Variants in PTCHD4 observed in about 807,000 individuals in gnomAD.
PTCHD4 encodes the protein patched domain-containing protein 4.
A neutral mutation model predicts 58.1 loss-of-function variants in PTCHD4; 33 were observed. That is an observed-to-expected ratio of 0.57 (90% CI 0.43 to 0.76). PTCHD4 has a LOEUF of 0.76. Among genes scored for constraint, PTCHD4 ranks in the 30% least tolerant of loss-of-function variants. The pLI is 0.00. For missense variants in PTCHD4, 1,058 were observed against 1,027.1 expected, an observed-to-expected ratio of 1.03 and a Z score of -0.41; for synonymous variants, 478 against 409.6, an observed-to-expected ratio of 1.17 and a Z score of -2.02.
intron 4 of PTCHD4, among the ~76,000 whole-genome samples, chr6:47,902,799 G>C (rs1393628590): frequency 6.6e-6 from 1 of 151,972 alleles, no homozygotes; most frequent in East Asian, 1.9e-4. Flanking sequence ...GTACACTTTT[G>C]AATATTAAAA....
chr6:47,901,764 A>G (rs1764713089), intron 4 of PTCHD4: 9 of 1,175,170 alleles, frequency 7.7e-6, no homozygotes, highest in Admixed American at 6.2e-5. Flanking sequence ...ATTGGTGGTG[A>G]TGATGATGAT....
intron 4 of PTCHD4, among the ~76,000 whole-genome samples, chr6:47,987,609 T>C (rs1768118548): frequency 6.6e-6 from 1 of 152,170 alleles, no homozygotes. Flanking sequence ...TCCTTGAGGC[T>C]ACTGGCCTGA....
intron 4 of PTCHD4, chr6:47,901,810 G>A: frequency 7.8e-7 from 1 of 1,280,782 alleles, no homozygotes; most frequent in South Asian, 1.3e-5. Context: ...TATCCTAGGA[G>A]TCTTCACATA....
At chr6:48,107,588 A>G (rs199822314) in intron 1 of PTCHD4, among the ~76,000 whole-genome samples, 4 of 152,076 alleles carry the variant, frequency 2.6e-5, no homozygotes, top group Non-Finnish European at 4.4e-5. Flanking sequence ...ACAAAAGCCA[A>G]AATTGACAAA....
chr6:47,988,457 A>G (rs1160377093), intron 4 of PTCHD4, among the ~76,000 whole-genome samples: 1 of 152,214 alleles, frequency 6.6e-6, no homozygotes, highest in African/African-American at 2.4e-5. Flanking sequence ...AACCTCAGGT[A>G]ATGAACTAAT....
At chr6:47,946,131 A>C (rs145892862) in intron 4 of PTCHD4, among the ~76,000 whole-genome samples, 200 of 152,208 alleles carry the variant, frequency 1.3e-3, no homozygotes, top group African/African-American at 4.3e-3. Context: ...TCCAGATCAT[A>C]GTCAATTTCC....
intron 1 of PTCHD4, among the ~76,000 whole-genome samples, chr6:48,102,534 G>T (rs1217465928): frequency 6.6e-6 from 1 of 152,216 alleles, no homozygotes; most frequent in Non-Finnish European, 1.5e-5. Flanking sequence ...CCCAGCGTGA[G>T]CGATGCAGAA....
At chr6:47,937,852 C>G (rs111658658) in intron 4 of PTCHD4, among the ~76,000 whole-genome samples, 1 of 152,024 alleles carries the variant, frequency 6.6e-6, no homozygotes, top group Admixed American at 6.6e-5. Flanking sequence ...ACTTGATAGG[C>G]AAGTAAAGAA....
At chr6:47,923,151 T>A (rs1013242253) in intron 4 of PTCHD4, among the ~76,000 whole-genome samples, 1 of 152,190 alleles carries the variant, frequency 6.6e-6, no homozygotes, top group African/African-American at 2.4e-5. Flanking sequence ...CTGTCAGTCA[T>A]TAGTTAAATA....
At chr6:47,950,927 T>C (rs1190833995) in intron 4 of PTCHD4, among the ~76,000 whole-genome samples, 1 of 152,078 alleles carries the variant, frequency 6.6e-6, no homozygotes, top group African/African-American at 2.4e-5. Flanking sequence ...GAATAGTCAA[T>C]GTGTCAATTG....
At chr6:48,079,917 A>T (rs6905060) in intron 1 of PTCHD4, among the ~76,000 whole-genome samples, 21 of 148,446 alleles carry the variant, frequency 1.4e-4, no homozygotes, top group Non-Finnish European at 3.1e-4. Flanking sequence ...TGGGATTATT[A>T]TAGGAAAGAA....
intron 3 of PTCHD4, among the ~76,000 whole-genome samples, chr6:48,038,082 T>C (rs909183020): frequency 1.2e-4 from 19 of 152,114 alleles, no homozygotes; most frequent in African/African-American, 4.6e-4. Context: ...ATACTTAGTT[T>C]CTGTTTCCTC....
chr6:48,013,993 G>A, intron 3 of PTCHD4, among the ~76,000 whole-genome samples: 1 of 152,036 alleles, frequency 6.6e-6, no homozygotes, highest in East Asian at 1.9e-4. Context: ...AGTTTGGCTA[G>A]CTGCTAACTC....
chr6:48,015,804 A>G (rs2114099748), intron 3 of PTCHD4, among the ~76,000 whole-genome samples: 1 of 151,968 alleles, frequency 6.6e-6, no homozygotes, highest in Middle Eastern at 3.4e-3. Flanking sequence ...TGTTTTGTTC[A>G]CTGATAATTT....
intron 4 of PTCHD4, among the ~76,000 whole-genome samples, chr6:47,941,088 C>T (rs778413572): frequency 3.9e-5 from 6 of 152,198 alleles, no homozygotes; most frequent in Non-Finnish European, 8.8e-5. Context: ...ACTCAGCCCG[C>T]CTCCGTACTC....
chr6:47,937,330 C>G (rs1372622378), intron 4 of PTCHD4, among the ~76,000 whole-genome samples: 1 of 152,142 alleles, frequency 6.6e-6, no homozygotes, highest in Non-Finnish European at 1.5e-5. Flanking sequence ...AGTAAGGTAA[C>G]AATGGAGATG....
intron 4 of PTCHD4, among the ~76,000 whole-genome samples, chr6:47,887,890 T>G (rs1764244018): frequency 6.6e-6 from 1 of 151,952 alleles, no homozygotes; most frequent in Non-Finnish European, 1.5e-5. Flanking sequence ...GGGTAGGGGG[T>G]GTTTAACAGG....
chr6:47,912,143 A>G (rs1270421498), intron 4 of PTCHD4, among the ~76,000 whole-genome samples: 2 of 152,122 alleles, frequency 1.3e-5, no homozygotes, highest in Non-Finnish European at 2.9e-5. Context: ...AGCATCTGTG[A>G]TGATGGTAGC....
intron 1 of PTCHD4, among the ~76,000 whole-genome samples, chr6:48,092,020 T>C (rs549175309): frequency 1.1e-4 from 17 of 150,248 alleles, no homozygotes; most frequent in South Asian, 4.3e-4. Context: ...CACACACACA[T>C]ACACACACAC....
Sources: gnomAD v4.1 joint callset for allele counts (sites outside exome capture counted in the v4.1 genomes callset) on GRCh38, gnomAD v4.1.1 for gene constraint, MANE v1.5 for transcripts, NCBI Gene and HGNC (gene_info 2026-07-23, HGNC 2026-07-21) for gene names.